Variants in SETD5 observed in about 807,000 individuals in gnomAD.
SETD5 encodes the protein histone-lysine N-methyltransferase SETD5.
Under a neutral mutation model 153.3 loss-of-function variants are expected in SETD5, and 44 were observed. That is an observed-to-expected ratio of 0.29 (90% confidence interval 0.23 to 0.37). The LOEUF is 0.37. Among genes scored for constraint, SETD5 ranks in the 10% least tolerant of loss-of-function variants. The pLI, the probability that SETD5 is intolerant of heterozygous loss-of-function variation, is 1.00. For synonymous variants in SETD5, 716 were observed against 645.2 expected (o/e 1.11, Z -1.66); for missense variants, 1,544 against 1,768.0 (o/e 0.87, Z 2.27).
At position 9,434,781 on chromosome 3, in the gene SETD5, A is replaced by C. The variant is rs1440138735; in HGVS notation, c.330-43A>C. 2 of 1,589,822 alleles carry C rather than the reference A, an allele frequency of 1.3e-6. No individual in the cohort carries two copies. Among genetic ancestry groups the C allele is most frequent in the Non-Finnish European group, 1.7e-6 (2 of 1,167,336 alleles). On this transcript the variant is annotated intron_variant, in intron 5 of 22. Transcript: ENST00000402198. The surrounding 1 kb of genome is among the most constrained non-coding windows in gnomAD (Gnocchi z 5.6). ...GCCCATGTGTGCTATGATGTGATGC[A>C]TGCTGTTGGAAGGACTACTTTAAGT...
At chr3:9,447,501 T>A (rs1030673799) in intron 14 of SETD5, among the ~76,000 whole-genome samples, 185 bp from the exon 15 acceptor site, 1 of 151,150 alleles carries the variant, frequency 6.6e-6, no homozygotes, top group African/African-American at 2.5e-5. Flanking sequence ...CAAACATTTG[T>A]CGCTAGCCTC....
chr3:9,464,876 T>C (rs2044373168), intron 18 of SETD5: 2 of 645,876 alleles, frequency 3.1e-6, no homozygotes, highest in African/African-American at 3.6e-5. Context: ...AAAATAGGCA[T>C]ACTGCTACCA....
intron 2 of SETD5, chr3:9,426,251 T>TTTTTTTTTA: frequency 1.5e-5 from 2 of 136,114 alleles, no homozygotes; most frequent in Non-Finnish European, 3.0e-5. Flanking sequence ...TTTTTTTTTT[T>TTTTTTTTTA]TGGCAACAGG....
intron 1 of SETD5, among the ~76,000 whole-genome samples, chr3:9,411,308 ATTT>A (rs748369231): frequency 1.8e-4 from 27 of 152,046 alleles, no homozygotes; most frequent in Admixed American, 3.9e-4. Flanking sequence ...GATGTCATAT[ATTT>A]TTTAACTTTG....
At position 9,436,342 on chromosome 3, in the gene SETD5, T is replaced by G. The variant is rs73811482; in HGVS notation, c.567+436T>G. ...AATAAAAATCAGGAAACATCTCTTG[T>G]ATGGTCTAGGTTTCCTCAGTGTCAT... On this transcript the variant is annotated intron_variant, in intron 7 of 22. Coordinates refer to ENST00000402198, the MANE Select transcript of SETD5 (RefSeq NM_001080517.3). 7.6e-3 allele frequency among the ~76,000 whole-genome samples: 1,154 copies of G among 152,334 alleles called. 11 individuals are homozygous for G. The highest frequency in any genetic ancestry group is 0.027 in the African/African-American group (1,118 of 41,570).
intron 3 of SETD5, chr3:9,432,195 C>G: frequency 1.4e-6 from 1 of 713,676 alleles, no homozygotes; most frequent in Non-Finnish European, 1.7e-6. Flanking sequence ...CTTGCAGACA[C>G]TTTTAAGTAA....
chr3:9,460,120 C>G (rs2043775730), intron 17 of SETD5, among the ~76,000 whole-genome samples: 1 of 151,444 alleles, frequency 6.6e-6, no homozygotes, highest in Non-Finnish European at 1.5e-5. Flanking sequence ...TTATCATGTA[C>G]AAATACTATT....
intron 17 of SETD5, among the ~76,000 whole-genome samples, chr3:9,454,648 A>C (rs922990396): frequency 1.2e-4 from 18 of 148,216 alleles, no homozygotes; most frequent in East Asian, 1.9e-4. Context: ...AAAAAAAAAA[A>C]AACAAATTTT....
intron 1 of SETD5, among the ~76,000 whole-genome samples, chr3:9,412,264 T>G (rs73026966): frequency 6.6e-6 from 1 of 152,094 alleles, no homozygotes; most frequent in Non-Finnish European, 1.5e-5. Context: ...AAGGAATTCC[T>G]ATTAGAAGAT....
Position 9,433,876 on chromosome 3 carries a change from A to C in SETD5, c.103A>C (p.Asn35His), listed in dbSNP as rs745801163. ...ATCTGTGGAGGCTAGTCCAGCAGTT[A>C]ATGAGAAGAGCGTGTATTCCACTCA... ...PESVEASPAV[N>H]EKSVYSTHNY... Residue 35 changes from asparagine (N) to histidine (H), a missense_variant, in exon 4 of 23, where the codon AAT (asparagine) becomes CAT (histidine). Physicochemically the swap from Asn to His is moderately conservative, Grantham distance 68 (BLOSUM62 1). Around this residue, in one of 9 missense-constraint regions of SETD5, gnomAD observed 251 missense variants for 326.9 expected, o/e 0.77. Coordinates refer to ENST00000402198, the MANE Select transcript of SETD5 (RefSeq NM_001080517.3). 59 of 1,613,892 alleles carry C rather than the reference A, an allele frequency of 3.7e-5. No homozygotes were observed. Among genetic ancestry groups the C allele is most frequent in the Non-Finnish European group, 5.0e-5 (59 of 1,179,828 alleles).
At chr3:9,414,436 T>A (rs370098181) in intron 1 of SETD5, among the ~76,000 whole-genome samples, 4 of 152,302 alleles carry the variant, frequency 2.6e-5, no homozygotes, top group African/African-American at 9.6e-5. Flanking sequence ...TATGAGGCTA[T>A]CATTGCTTCT....
In SETD5 at chr3:9,434,083, G is replaced by A. The variant is rs879650218; in HGVS notation, c.177+133G>A. ...CCCCTTTTGCACTTCCCTGACTCCA[G>A]CGGACGTCTAGCCCTGCATCATTGT... On this transcript the variant is annotated intron_variant, in intron 4 of 22. Coordinates refer to ENST00000402198, the MANE Select transcript of SETD5 (RefSeq NM_001080517.3). The surrounding 1 kb of genome is among the most constrained non-coding windows in gnomAD (Gnocchi z 5.6). 2.5e-5 allele frequency: 39 copies of A among 1,582,008 alleles called. No homozygotes were observed. The highest frequency in any genetic ancestry group is 3.3e-5 in the Non-Finnish European group (38 of 1,166,288).
chr3:9,456,891 G>A (rs977381859), intron 17 of SETD5, among the ~76,000 whole-genome samples: 1 of 151,998 alleles, frequency 6.6e-6, no homozygotes, highest in African/African-American at 2.4e-5. Context: ...CAGGAGGATT[G>A]CTTGAACCTG....
Position 9,434,935 on chromosome 3 carries a change from C to A in SETD5, c.388+53C>A. 8 of 1,582,452 alleles carry A rather than the reference C, an allele frequency of 5.1e-6. No homozygotes were observed. In the South Asian group the frequency reaches 9.3e-5, roughly 18 times the overall value. ...ATTTGACATAAAAATATTCTGTGAT[C>A]TGAATGTTCATTTTAAGAACCCCTC... On this transcript the variant is annotated intron_variant, in intron 6 of 22. Transcript: ENST00000402198. The surrounding 1 kb of genome is among the most constrained non-coding windows in gnomAD (Gnocchi z 5.6).
At chr3:9,402,520 A>C (rs529474422) in intron 1 of SETD5, among the ~76,000 whole-genome samples, 33 of 152,282 alleles carry the variant, frequency 2.2e-4, no homozygotes, top group African/African-American at 7.9e-4. Flanking sequence ...GTAATGTCTT[A>C]GTATTTTTAA....
chr3:9,429,040 T>C (rs777678377), intron 3 of SETD5, 31 bp downstream of exon 3: 127 of 1,537,124 alleles, frequency 8.3e-5, no homozygotes, highest in South Asian at 5.4e-4. Flanking sequence ...AGTAGGTACA[T>C]TATCAGTCTG....
chr3:9,473,130 G>A, intron 19 of SETD5, 106 bp from the exon 20 acceptor site: 1 of 1,358,266 alleles, frequency 7.4e-7, no homozygotes, highest in South Asian at 1.5e-5. Context: ...GGCTTGGCTA[G>A]TGGTTTACTA....
intron 10 of SETD5, chr3:9,442,817 A>G (rs1378378018): frequency 1.8e-5 from 3 of 166,378 alleles, no homozygotes; most frequent in Non-Finnish European, 2.6e-5. Context: ...GTGGGCAGAT[A>G]ACAAGGTCAG....
At chr3:9,462,536 G>A (rs1008277252) in intron 17 of SETD5, among the ~76,000 whole-genome samples, 3 of 149,786 alleles carry the variant, frequency 2.0e-5, no homozygotes, top group South Asian at 4.2e-4. Context: ...GCAGTGAGCC[G>A]AGATCGTGCC....
Sources: gnomAD v4.1 joint callset for allele counts (sites outside exome capture counted in the v4.1 genomes callset) on GRCh38, gnomAD v4.1.1 for gene constraint, gnomAD v4.1.1 regional missense constraint, Gnocchi (gnomAD v3.1) non-coding constraint, MANE v1.5 for transcripts, NCBI Gene and HGNC (gene_info 2026-07-23, HGNC 2026-07-21) for gene names.